The following CA5A variants were observed in gnomAD, a reference collection of about 807,000 sequenced individuals.
CA5A encodes the protein carbonic anhydrase 5A, mitochondrial.
In CA5A, 28 loss-of-function variants were observed where a neutral mutation model predicts 37.1. The ratio of observed to expected loss-of-function variants is 0.75; its 90% CI spans 0.56 to 1.03. The LOEUF is 1.03. CA5A is among the 50% of genes least tolerant of loss of function. The probability of loss-of-function intolerance (pLI) is 0.00; values close to 1 mark genes in which losing one functional copy is unlikely to be tolerated. For missense variants in CA5A, 444 were observed against 399.9 expected, an observed-to-expected ratio of 1.11 and a Z score of -0.94; for synonymous variants, 171 against 158.4, an observed-to-expected ratio of 1.08 and a Z score of -0.60.
chr16:87,915,159 G>T (rs777817407), intron 2 of CA5A, among the ~76,000 whole-genome samples: 1 of 152,204 alleles, frequency 6.6e-6, no homozygotes, highest in Admixed American at 6.5e-5. Context: ...GCCTTTGATC[G>T]CATTTATCAC....
chr16:87,890,919 C>A (rs2143899359), intron 6 of CA5A, among the ~76,000 whole-genome samples: 1 of 152,128 alleles, frequency 6.6e-6, no homozygotes, highest in East Asian at 1.9e-4. Flanking sequence ...CCCAGCCTCC[C>A]AAGTAGCTGA....
At chr16:87,903,872 G>A (rs964623638) in intron 3 of CA5A, among the ~76,000 whole-genome samples, 15 of 152,170 alleles carry the variant, frequency 9.9e-5, no homozygotes, top group African/African-American at 3.4e-4. Context: ...GATTCTTCTC[G>A]TTCATTTCTT....
In CA5A at chr16:87,929,493, G is replaced by C. The variant is rs187881808; in HGVS notation, c.143-2548C>G. Among the ~76,000 whole-genome samples the C allele has an allele frequency of 1.1e-3, 160 of 150,968 alleles. 6 individuals carry two copies. In the East Asian group the frequency reaches 0.026, roughly 25 times the overall value. ...AAAGATATATAGTCCTGTCAGAAAT[G>C]CGTCTCCACCTAGGTCAAATGGTTA... On this transcript the variant is annotated intron_variant, in intron 1 of 6. Transcript: ENST00000649794.
At chr16:87,935,218 G>C (rs997821030) in intron 1 of CA5A, among the ~76,000 whole-genome samples, 4 of 152,212 alleles carry the variant, frequency 2.6e-5, no homozygotes, top group African/African-American at 9.6e-5. Flanking sequence ...AAGAGAACTT[G>C]GCAGCTGCCA....
intron 2 of CA5A, among the ~76,000 whole-genome samples, chr16:87,919,544 T>C (rs1309131936): frequency 5.9e-5 from 9 of 151,690 alleles, no homozygotes; most frequent in Non-Finnish European, 7.4e-5. Flanking sequence ...GAAAGCAGAG[T>C]CTGGGGGAGC....
rs546109336 is a variant in CA5A at position 87,922,743 on chromosome 16, C to G, written c.340+4005G>C. Among the ~76,000 whole-genome samples, 313 of 152,376 alleles carry G rather than the reference C, an allele frequency of 2.1e-3. 1 individual carries two copies. The highest frequency in any genetic ancestry group is 7.2e-3 in the African/African-American group (300 of 41,590). ...GCCTCACTCACCCAGGGTGCTGGTGCTTCCTTCTCTGCATGGAGGTCAGCT... is the reference window on the plus strand; with the variant it reads ...GCCTCACTCACCCAGGGTGCTGGTGGTTCCTTCTCTGCATGGAGGTCAGCT... On this transcript the variant is annotated intron_variant, in intron 2 of 6. Transcript: ENST00000649794.
chr16:87,931,213 G>C (rs1234435654), intron 1 of CA5A, among the ~76,000 whole-genome samples: 2 of 151,318 alleles, frequency 1.3e-5, no homozygotes, highest in Non-Finnish European at 2.9e-5. Flanking sequence ...CCGGGTTCAA[G>C]TGATTCTCCT....
At chr16:87,916,669 T>A (rs2056147395) in intron 2 of CA5A, among the ~76,000 whole-genome samples, 1 of 152,246 alleles carries the variant, frequency 6.6e-6, no homozygotes, top group Non-Finnish European at 1.5e-5. Context: ...GTTTACTAAT[T>A]TTCTTATCCC....
At chr16:87,927,593 G>A (rs1232012486) in intron 1 of CA5A, among the ~76,000 whole-genome samples, 2 of 152,178 alleles carry the variant, frequency 1.3e-5, no homozygotes, top group Non-Finnish European at 2.9e-5. Flanking sequence ...CAGGAACAGT[G>A]GCTCACGCCT....
At chr16:87,888,797 G>A (rs2055673620) in intron 6 of CA5A, among the ~76,000 whole-genome samples, 1 of 152,206 alleles carries the variant, frequency 6.6e-6, no homozygotes, top group African/African-American at 2.4e-5. Flanking sequence ...TGTTTCCCAG[G>A]CTGGAGTGTC....
intron 5 of CA5A, chr16:87,893,231 G>A (rs755394949): frequency 8.0e-5 from 33 of 411,152 alleles, no homozygotes; most frequent in Middle Eastern, 7.1e-4. Context: ...GGGTTCCAGC[G>A]ATCCTCCTGC....
At chr16:87,889,865 C>T (rs2055688645) in intron 6 of CA5A, among the ~76,000 whole-genome samples, 1 of 152,272 alleles carries the variant, frequency 6.6e-6, no homozygotes, top group African/African-American at 2.4e-5. Flanking sequence ...TGAGGCAACT[C>T]ACGCATTTGA....
rs2056049497 is a variant in CA5A at position 87,911,334 on chromosome 16, G to A, written c.341-6430C>T. 6.6e-6 allele frequency among the ~76,000 whole-genome samples: 1 copy of A among 152,112 alleles called. No individual in the cohort carries two copies. The highest frequency in any genetic ancestry group is 1.5e-5 in the Non-Finnish European group (1 of 68,030). ...CAAACATAATAACAGATGACGTTTG[G>A]GGCCGGCTCCAGGCTGTGACGTGCT... On this transcript the variant is annotated intron_variant, in intron 2 of 6. Coordinates refer to ENST00000649794, the MANE Select transcript of CA5A (RefSeq NM_001739.2). This position sits in a 1 kb window ranked among gnomAD's most constrained non-coding sequence, Gnocchi z 4.6.
At chr16:87,904,547 C>G (rs894201110) in intron 3 of CA5A, among the ~76,000 whole-genome samples, 14 of 152,168 alleles carry the variant, frequency 9.2e-5, no homozygotes, top group African/African-American at 3.4e-4. Context: ...AGTTCCGTAA[C>G]CATTCAGAAC....
At chr16:87,916,448 C>A (rs1316077497) in intron 2 of CA5A, among the ~76,000 whole-genome samples, 1 of 152,162 alleles carries the variant, frequency 6.6e-6, no homozygotes, top group Non-Finnish European at 1.5e-5. Context: ...CTGGCACTTT[C>A]TTACCAGCTG....
chr16:87,888,193 T>A lies in CA5A; in HGVS notation c.854A>T (p.Gln285Leu). The change falls in exon 7 of 7, where the codon CAA becomes CTA. Residue 285 changes from glutamine (Q) to leucine (L), a missense_variant. Gln to Leu is a moderately radical substitution (Grantham distance 113). Transcript: ENST00000649794. ...CCAGACCTTCCGGTTCATCAAGGGT[T>A]GAAGTGGGCGATAGTTGTTCACCAT... ...KMMVNNYRPL[Q>L]PLMNRKVWAS... 1 of 1,613,960 alleles carries A rather than the reference T, an allele frequency of 6.2e-7. No individual in the cohort carries two copies.
intron 5 of CA5A, among the ~76,000 whole-genome samples, chr16:87,898,198 T>G (rs1567517928): frequency 6.6e-6 from 1 of 152,204 alleles, no homozygotes; most frequent in Non-Finnish European, 1.5e-5. Context: ...ACTACGTGAC[T>G]CTGGTCTTTC....
chr16:87,901,189 C>T (rs1471847433), intron 5 of CA5A, among the ~76,000 whole-genome samples: 3 of 152,170 alleles, frequency 2.0e-5, no homozygotes, highest in Admixed American at 2.0e-4. Context: ...AAGATCGCGC[C>T]ACTGCATTCC....
chr16:87,904,347 AAAAAACC>A (rs2055926332), intron 3 of CA5A, among the ~76,000 whole-genome samples: 1 of 151,846 alleles, frequency 6.6e-6, no homozygotes, highest in Non-Finnish European at 1.5e-5. Flanking sequence ...TTTCAAAAAA[AAAAAACC>A]AAAAACCAAA....
Sources: gnomAD v4.1 joint callset for allele counts (sites outside exome capture counted in the v4.1 genomes callset) on GRCh38, gnomAD v4.1.1 for gene constraint, Gnocchi (gnomAD v3.1) non-coding constraint, MANE v1.5 for transcripts, NCBI Gene and HGNC (gene_info 2026-07-23, HGNC 2026-07-21) for gene names.